Variants in ANO10 observed in about 807,000 individuals in gnomAD.
The protein encoded by ANO10 is anoctamin-10.
A neutral mutation model predicts 74.7 loss-of-function variants in ANO10; 77 were observed. The observed-to-expected ratio is 1.03, with a 90% CI of 0.86 to 1.25. The LOEUF (loss-of-function observed/expected upper bound fraction) is 1.25. Among genes scored for constraint, ANO10 ranks in the 50% most tolerant of loss-of-function variants. The probability of loss-of-function intolerance (pLI) is 0.00; values close to 1 mark genes in which losing one functional copy is unlikely to be tolerated. For missense variants in ANO10, 721 were observed against 778.1 expected (o/e 0.93, Z 0.87); for synonymous variants, 279 against 284.9 (o/e 0.98, Z 0.21).
intron 1 of ANO10, chr3:43,690,914 T>C (rs2084357395): frequency 1.4e-6 from 2 of 1,465,452 alleles, no homozygotes; most frequent in Non-Finnish European, 1.8e-6. Flanking sequence ...CCGCCTTAAG[T>C]GCCGCGCCAG....
chr3:43,399,659 C>T (rs964433958), intron 12 of ANO10, among the ~76,000 whole-genome samples: 11 of 152,130 alleles, frequency 7.2e-5, no homozygotes, highest in Non-Finnish European at 1.5e-4. Context: ...AATGGGGGCG[C>T]TCTGTGTACG....
At chr3:43,538,783 CT>C (rs1327350117) in intron 11 of ANO10, among the ~76,000 whole-genome samples, 1 of 152,112 alleles carries the variant, frequency 6.6e-6, no homozygotes, top group Non-Finnish European at 1.5e-5. Context: ...GGGGCAGGTG[CT>C]TCATAGACAA....
At chr3:43,612,745 T>C (rs2082890221) in intron 1 of ANO10, among the ~76,000 whole-genome samples, 2 of 152,234 alleles carry the variant, frequency 1.3e-5, no homozygotes, top group Non-Finnish European at 2.9e-5. Flanking sequence ...GTAGAAATCA[T>C]AATCTTGCAG....
intron 11 of ANO10, among the ~76,000 whole-genome samples, chr3:43,487,808 T>C (rs1272241596): frequency 6.6e-6 from 1 of 152,136 alleles, no homozygotes; most frequent in Admixed American, 6.6e-5. Context: ...TGTGTCTCTA[T>C]TTCCTTCAGT....
At position 43,426,651 on chromosome 3, in the gene ANO10, G is replaced by A. The variant is rs576758252; in HGVS notation, c.1914+5960C>T. On this transcript the variant is annotated intron_variant, in intron 12 of 12. Transcript: ENST00000292246. The stretch of plus-strand genomic sequence containing the variant: ...GCTCCAGGCCACGGAGTTATCAAAT[G>A]GTTCCTGCATTAGAATCCTTTCTAT... 2.0e-4 allele frequency among the ~76,000 whole-genome samples: 31 copies of A among 152,266 alleles called. No individual in the cohort carries two copies. In the South Asian group the frequency reaches 6.2e-3, roughly 31 times the overall value.
At position 43,504,501 on chromosome 3, in the gene ANO10, T is replaced by C. The variant is rs986558625; in HGVS notation, c.1797+45219A>G. On this transcript the variant is annotated intron_variant, in intron 11 of 12. Transcript: ENST00000292246. ...GGCAATGTAATTGGTACCTAGCTGA[T>C]TGCAACTGTAGCTATCTATAATGGC... 2.0e-5 allele frequency among the ~76,000 whole-genome samples: 3 copies of C among 152,138 alleles called. 1 individual carries two copies. The South Asian group carries it at 6.2e-4, about 32-fold the overall frequency.
intron 7 of ANO10, among the ~76,000 whole-genome samples, chr3:43,571,737 A>T (rs946490669): frequency 2.0e-5 from 3 of 151,554 alleles, no homozygotes; most frequent in Non-Finnish European, 4.4e-5. Context: ...CTAATGCTAG[A>T]TGACGAGTTA....
intron 11 of ANO10, among the ~76,000 whole-genome samples, chr3:43,468,288 A>ATC (rs1381593350): frequency 6.6e-6 from 1 of 152,174 alleles, no homozygotes; most frequent in Middle Eastern, 3.2e-3. Flanking sequence ...TCACCATGGC[A>ATC]TCCCCAGTGT....
intron 11 of ANO10, among the ~76,000 whole-genome samples, chr3:43,505,465 T>A (rs934755916): frequency 6.6e-6 from 1 of 152,232 alleles, no homozygotes; most frequent in African/African-American, 2.4e-5. Flanking sequence ...GATGTCATCA[T>A]CTACATGGGT....
At chr3:43,504,296 GTAGGTAGA>G (rs1352092030) in intron 11 of ANO10, among the ~76,000 whole-genome samples, 59 of 98,878 alleles carry the variant, frequency 6.0e-4, no homozygotes, top group African/African-American at 1.7e-3. Flanking sequence ...AGGTAGGTAG[GTAGGTAGA>G]TAGATAGATA....
In ANO10 at chr3:43,549,820, G is replaced by T. The variant is rs2079376973; in HGVS notation, c.1697C>A (p.Ser566Tyr). The T allele has an allele frequency of 6.2e-7, 1 of 1,613,860 alleles. No homozygotes were observed. The highest frequency in any genetic ancestry group is 8.5e-7 in the Non-Finnish European group (1 of 1,179,916). ...AATCAGCGCACAGTTAGTGACCACA[G>T]ATATAACACTCATCGTTTCAAAAGC... The part of the protein sequence containing the change: ...QLAFETMSVI[S>Y]VVTNCALIGM... Residue 566 changes from serine (S) to tyrosine (Y), a missense_variant, in exon 11 of 13, where the codon TCT becomes TAT. Ser to Tyr is a moderately radical substitution (Grantham distance 144). Transcript: ENST00000292246.
chr3:43,691,068 T>C lies in ANO10; in HGVS notation c.-12+449A>G, dbSNP rs759244729. 2.0e-6 allele frequency: 3 copies of C among 1,527,316 alleles called. No individual in the cohort carries two copies. The African/African-American group carries it at 4.3e-5, about 22-fold the overall frequency. 94.6% of individuals were successfully genotyped at this position (1,527,316 alleles called of 1,614,324 possible). On this transcript the variant is annotated intron_variant, in intron 1 of 3. Transcript: ENST00000413397. ...AGCGCAGCCGGCAGGGGGCTTCGTGTGTCTCCGGCGCGCACCCTCCGCGCG... is the reference window on the plus strand; with the variant it reads ...AGCGCAGCCGGCAGGGGGCTTCGTGCGTCTCCGGCGCGCACCCTCCGCGCG...
chr3:43,475,960 TTATC>T (rs1439053850), intron 11 of ANO10, among the ~76,000 whole-genome samples: 5 of 152,210 alleles, frequency 3.3e-5, no homozygotes, highest in Admixed American at 6.5e-5. Flanking sequence ...TCTGTTCTAT[TTATC>T]TATTTATTCT....
chr3:43,647,651 A>G (rs1274043602), intron 1 of ANO10, among the ~76,000 whole-genome samples: 1 of 152,212 alleles, frequency 6.6e-6, no homozygotes, highest in Non-Finnish European at 1.5e-5. Flanking sequence ...AAAATTAACC[A>G]TCATATTACA....
At chr3:43,678,056 C>T (rs903086980) in intron 1 of ANO10, among the ~76,000 whole-genome samples, 1 of 152,208 alleles carries the variant, frequency 6.6e-6, no homozygotes, top group Non-Finnish European at 1.5e-5. Flanking sequence ...GTTGAAAATA[C>T]TGTTAAATTC....
At chr3:43,490,860 T>C (rs540313408) in intron 11 of ANO10, among the ~76,000 whole-genome samples, 1 of 152,142 alleles carries the variant, frequency 6.6e-6, no homozygotes, top group Non-Finnish European at 1.5e-5. Flanking sequence ...GGTTGCTGAC[T>C]CTCTTTCTAA....
chr3:43,432,484 G>C (rs780797152), intron 12 of ANO10, 127 bp downstream of exon 12: 47 of 788,698 alleles, frequency 6.0e-5, no homozygotes, highest in Non-Finnish European at 9.1e-5. Context: ...TCCTGAACTG[G>C]AGTCCTCTGT....
chr3:43,638,932 A>G lies in ANO10; in HGVS notation c.-11-33069T>C, dbSNP rs570114489. ...AATTGATCCTGAGGTTGTGGTCAAGATGTCACCTGCAGTCATCTGAAGGCT... is the reference window on the plus strand; with the variant it reads ...AATTGATCCTGAGGTTGTGGTCAAGGTGTCACCTGCAGTCATCTGAAGGCT... On this transcript the variant is annotated intron_variant, in intron 1 of 3. Transcript: ENST00000413397. 4.8e-4 allele frequency: 73 copies of G among 152,302 alleles called. 1 individual carries two copies. Among genetic ancestry groups the G allele is most frequent in the African/African-American group, 1.7e-3 (70 of 41,540 alleles). The allele number at this position is 152,302 out of a possible 1,614,324, so 9.4% of individuals were successfully genotyped here. A position where few individuals can be genotyped will look rare whatever the true frequency, so the allele number is the denominator to read the frequency against.
chr3:43,540,584 T>C (rs769044110), intron 11 of ANO10, among the ~76,000 whole-genome samples: 1 of 152,256 alleles, frequency 6.6e-6, no homozygotes, highest in Non-Finnish European at 1.5e-5. Context: ...CATTAAATTA[T>C]GCCAATTACA....
Sources: allele counts gnomAD v4.1 joint callset (sites outside exome capture counted in the v4.1 genomes callset), GRCh38; gene constraint gnomAD v4.1.1; transcripts MANE v1.5; gene names NCBI Gene and HGNC (gene_info 2026-07-23, HGNC 2026-07-21).